Variants in ACACA observed in about 807,000 individuals in gnomAD.
The protein encoded by ACACA is acetyl-CoA carboxylase 1.
ACACA carries 103 observed loss-of-function variants against 296.1 expected under a neutral mutation model. The ratio of observed to expected loss-of-function variants is 0.35; its 90% CI spans 0.30 to 0.41. The LOEUF is 0.41. Ranked by LOEUF, ACACA falls within the 10% of genes least tolerant of loss-of-function variation. The pLI is 1.00. For synonymous variants in ACACA, 953 were observed against 1,038.6 expected (o/e 0.92, Z 1.58); for missense variants, 1,554 against 2,989.7 (o/e 0.52, Z 11.20).
Position 37,378,763 on chromosome 17 carries a change from A to T in ACACA, c.38+27499T>A, listed in dbSNP as rs139305601. On this transcript the variant is annotated intron_variant, in intron 1 of 55. Coordinates refer to ENST00000616317, the MANE Select transcript of ACACA (RefSeq NM_198834.3). ...GCCATTGCACTCTAGCCTGGACCAC[A>T]AGAGCAAACGCTTCAAGGTCGGGTG... Among the ~76,000 whole-genome samples the T allele has an allele frequency of 7.5e-4, 113 of 151,294 alleles. 1 individual carries two copies. Among genetic ancestry groups the T allele is most frequent in the African/African-American group, 2.6e-3 (106 of 41,202 alleles).
intron 1 of ACACA, chr17:37,392,842 A>G (rs1484594046): frequency 6.6e-6 from 1 of 152,110 alleles, no homozygotes; most frequent in Non-Finnish European, 1.5e-5. Context: ...GTTTCAAAGA[A>G]GCTCCAAAGA....
At chr17:37,383,820 C>A (rs535855658) in intron 1 of ACACA, among the ~76,000 whole-genome samples, 1 of 152,070 alleles carries the variant, frequency 6.6e-6, no homozygotes, top group Non-Finnish European at 1.5e-5. Flanking sequence ...CAAAGTGCTG[C>A]GATTATAGGC....
At chr17:37,098,460 T>C (rs2142744745) in intron 52 of ACACA, among the ~76,000 whole-genome samples, 1 of 152,332 alleles carries the variant, frequency 6.6e-6, no homozygotes, top group African/African-American at 2.4e-5. Context: ...AGCTCCTGTT[T>C]CCGTGTACAT....
At chr17:37,230,468 A>C (rs968336930) in intron 25 of ACACA, among the ~76,000 whole-genome samples, 4 of 152,140 alleles carry the variant, frequency 2.6e-5, no homozygotes, top group Non-Finnish European at 4.4e-5. Context: ...TGAATTAACC[A>C]CTATTTTCGT....
At chr17:37,245,307 G>T in intron 19 of ACACA, 93 bp from the exon 20 acceptor site, 1 of 1,290,058 alleles carries the variant, frequency 7.8e-7, no homozygotes, top group Non-Finnish European at 1.1e-6. Context: ...CATCTAAGTT[G>T]GACCACACCT....
intron 31 of ACACA, among the ~76,000 whole-genome samples, chr17:37,207,453 AC>A (rs1246887012): frequency 6.6e-6 from 1 of 152,166 alleles, no homozygotes; most frequent in Non-Finnish European, 1.5e-5. Context: ...GGCCCATACT[AC>A]AAGTAGAGGC....
chr17:37,264,340 G>T lies in ACACA; in HGVS notation c.1120-446C>A, dbSNP rs561344562. Among the ~76,000 whole-genome samples the T allele has an allele frequency of 2.6e-5, 4 of 152,332 alleles. No homozygotes were observed. In the South Asian group the frequency reaches 8.3e-4, roughly 32 times the overall value. On this transcript the variant is annotated intron_variant, in intron 10 of 55. Transcript: ENST00000616317. ...ATCTTTAGTTTTGAAGAATATTACT[G>T]TTGGGGACAGAATTCTAAAATGGTA...
At chr17:37,173,888 G>A (rs1440163555) in intron 41 of ACACA, among the ~76,000 whole-genome samples, 3 of 142,058 alleles carry the variant, frequency 2.1e-5, no homozygotes, top group Admixed American at 7.1e-5. Flanking sequence ...ATCTTGGCTC[G>A]CTGCATCCTC....
rs2082185518 is a variant in ACACA, at chr17:37,274,283, C to A, written c.918G>T (p.Trp306Cys). The change falls in exon 9 of 56, where the codon TGG becomes TGT. Residue 306 changes from tryptophan (W) to cysteine (C), a missense_variant. Trp to Cys is a radical substitution (Grantham distance 215). Around this residue, in one of 16 missense-constraint regions of ACACA, gnomAD observed 47 missense variants for 55.4 expected, o/e 0.85. Transcript: ENST00000616317. Reference protein sequence around the residue: ...PWSGSGLRVDWQENDFSKRIL... With the variant: ...PWSGSGLRVDCQENDFSKRIL... ...TACGTTTTGAAAAATCATTTTCCTG[C>A]CAGTCCACACGAAGACCTGCAACAG... 1 of 1,614,072 alleles carries A rather than the reference C, an allele frequency of 6.2e-7. No homozygotes were observed. Among genetic ancestry groups the A allele is most frequent in the Admixed American group, 1.7e-5 (1 of 60,022 alleles).
chr17:37,312,843 A>G (rs7208053), intron 3 of ACACA, among the ~76,000 whole-genome samples: 33,867 of 151,998 alleles, frequency 0.22, 4,090 homozygotes, highest in Admixed American at 0.35. Context: ...CCTGGACAAC[A>G]TAGCAAGACC....
chr17:37,142,681 T>A (rs1023213174), intron 45 of ACACA, among the ~76,000 whole-genome samples: 1 of 152,214 alleles, frequency 6.6e-6, no homozygotes, highest in East Asian at 1.9e-4. Context: ...GATTATGAGC[T>A]ATTGTATCAA....
At chr17:37,290,766 G>T (rs1031022000) in intron 3 of ACACA, among the ~76,000 whole-genome samples, 1 of 145,294 alleles carries the variant, frequency 6.9e-6, no homozygotes, top group African/African-American at 2.6e-5. Context: ...GGAAGAAGAA[G>T]AATTGTCTTG....
In ACACA at chr17:37,227,717, G is replaced by A. The variant is rs900591247; in HGVS notation, c.3247-1265C>T. Among the ~76,000 whole-genome samples, 166 of 151,950 alleles carry A rather than the reference G, an allele frequency of 1.1e-3. 1 individual carries two copies. Among genetic ancestry groups the A allele is most frequent in the South Asian group, 3.5e-3 (17 of 4,816 alleles). ...CTACTAAAAATACAAAAAATTAGCC[G>A]GGCGTGGTGGCGGGCGCCTGTAGTC... On this transcript the variant is annotated intron_variant, in intron 25 of 55. Transcript: ENST00000616317.
intron 48 of ACACA, among the ~76,000 whole-genome samples, chr17:37,123,563 C>A (rs2074627356): frequency 6.6e-6 from 1 of 152,160 alleles, no homozygotes. Flanking sequence ...TTTCTCACAG[C>A]ATCTCCATAA....
chr17:37,222,272 C>T (rs2079330134), intron 28 of ACACA, among the ~76,000 whole-genome samples: 1 of 152,080 alleles, frequency 6.6e-6, no homozygotes, highest in African/African-American at 2.4e-5. Context: ...CAAGCAATCA[C>T]AGTACAGTTC....
rs143962420 is a variant in ACACA at position 37,207,871 on chromosome 17, G to C, written c.3708-71C>G. 3.3e-4 allele frequency: 510 copies of C among 1,566,692 alleles called. No individual in the cohort carries two copies. In the African/African-American group the frequency reaches 6.0e-3, roughly 18 times the overall value. On this transcript the variant is annotated intron_variant, in intron 30 of 55. Coordinates refer to ENST00000616317, the MANE Select transcript of ACACA (RefSeq NM_198834.3). The stretch of plus-strand genomic sequence containing the variant: ...CAAGGACTGGGAAAGTAACAGTAGG[G>C]AAAAGGAACTAGGAGAAAACTCTGA...
At chr17:37,224,559 A>G (rs2079448460) in intron 27 of ACACA, among the ~76,000 whole-genome samples, 1 of 152,300 alleles carries the variant, frequency 6.6e-6, no homozygotes, top group Middle Eastern at 3.4e-3. Context: ...TTAAAATTAA[A>G]TGATACTTAA....
At chr17:37,179,970 G>T (rs960765227) in intron 40 of ACACA, among the ~76,000 whole-genome samples, 11 of 152,126 alleles carry the variant, frequency 7.2e-5, no homozygotes, top group Non-Finnish European at 1.5e-4. Flanking sequence ...GCTCAATTTT[G>T]ACACAGACAT....
In ACACA at chr17:37,085,669, G is replaced by A. The variant is rs193240763; in HGVS notation, c.*1647C>T. On this transcript the variant is annotated 3_prime_UTR_variant, in exon 56 of 56. Coordinates refer to ENST00000616317, the MANE Select transcript of ACACA (RefSeq NM_198834.3). ...CCGGGCTGAGGCTCTGACTCCTGGG[G>A]GCTGTCCGCTCCATACCCAGCCATA... 373 of 399,116 alleles carry A rather than the reference G, an allele frequency of 9.3e-4. 2 individuals are homozygous for A. Among genetic ancestry groups the A allele is most frequent in the African/African-American group, 6.9e-3 (338 of 48,716 alleles). 24.7% of individuals were successfully genotyped at this position (399,116 alleles called of 1,614,324 possible). A position where few individuals can be genotyped will look rare whatever the true frequency, so the allele number is the denominator to read the frequency against.
Sources: allele counts gnomAD v4.1 joint callset (sites outside exome capture counted in the v4.1 genomes callset), GRCh38; gene constraint gnomAD v4.1.1; regional missense constraint gnomAD v4.1.1; transcripts MANE v1.5; gene names NCBI Gene and HGNC (gene_info 2026-07-23, HGNC 2026-07-21).